Variants in AGMO observed in about 807,000 individuals in gnomAD.
The protein encoded by AGMO is alkylglycerol monooxygenase.
A neutral mutation model predicts 60.2 loss-of-function variants in AGMO; 75 were observed. That is an observed-to-expected ratio of 1.25 (90% confidence interval 1.03 to 1.51). The LOEUF is 1.51. Ranked by LOEUF, AGMO falls within the 40% of genes most tolerant of loss-of-function variation. AGMO has a pLI of 0.00. For synonymous variants in AGMO, 261 were observed against 177.1 expected, an observed-to-expected ratio of 1.47 and a Z score of -3.76; for missense variants, 763 against 525.5, an observed-to-expected ratio of 1.45 and a Z score of -4.42.
intron 3 of AGMO, among the ~76,000 whole-genome samples, chr7:15,500,396 C>G (rs1376787034): frequency 6.6e-6 from 1 of 151,864 alleles, no homozygotes; most frequent in African/African-American, 2.4e-5. Context: ...AACCAAATTT[C>G]TCATTGTAAG....
At chr7:15,307,198 A>C (rs1408684712) in intron 12 of AGMO, among the ~76,000 whole-genome samples, 2 of 152,026 alleles carry the variant, frequency 1.3e-5, no homozygotes, top group South Asian at 4.1e-4. Flanking sequence ...AGGTGAGGAC[A>C]TAATTTATAT....
At chr7:15,474,765 A>G (rs1270360148) in intron 3 of AGMO, among the ~76,000 whole-genome samples, 1 of 152,144 alleles carries the variant, frequency 6.6e-6, no homozygotes, top group African/African-American at 2.4e-5. Context: ...CAGACAACCT[A>G]CAGAATAGGA....
chr7:15,237,670 A>C (rs1459932310), intron 12 of AGMO, among the ~76,000 whole-genome samples: 5 of 152,034 alleles, frequency 3.3e-5, no homozygotes, highest in Non-Finnish European at 2.9e-5. Context: ...AAATACCTAT[A>C]ATTGCCCTTT....
the AGMO span, among the ~76,000 whole-genome samples, chr7:15,170,854 T>C: frequency 6.6e-6 from 1 of 152,222 alleles, no homozygotes; most frequent in Admixed American, 6.5e-5. Context: ...GAGACTTTCC[T>C]TGTTTTGAAG....
intron 12 of AGMO, among the ~76,000 whole-genome samples, chr7:15,218,595 T>C (rs971663234): frequency 2.4e-4 from 37 of 152,208 alleles, no homozygotes; most frequent in African/African-American, 8.7e-4. Flanking sequence ...TTGGCTAATA[T>C]ACAATTTTGG....
chr7:15,538,958 T>G (rs1306321966), intron 3 of AGMO, among the ~76,000 whole-genome samples: 2 of 152,102 alleles, frequency 1.3e-5, no homozygotes, highest in African/African-American at 2.4e-5. Flanking sequence ...GGAAAAAAAG[T>G]TACAGTTTGA....
chr7:15,198,223 G>GAGAGAGAC (rs1781173669), downstream of AGMO, among the ~76,000 whole-genome samples: 3 of 111,652 alleles, frequency 2.7e-5, no homozygotes, highest in South Asian at 1.1e-3. Context: ...GAGAGAGAGA[G>GAGAGAGAC]AGAGAGAGAG....
chr7:15,292,643 C>T (rs563090377), intron 12 of AGMO, among the ~76,000 whole-genome samples: 85 of 150,282 alleles, frequency 5.7e-4, no homozygotes, highest in African/African-American at 2.0e-3. Context: ...AAAGCTCCTA[C>T]GGACAAAATA....
At chr7:15,416,027 C>CTTTTCTT (rs1554269474) in intron 5 of AGMO, among the ~76,000 whole-genome samples, 2 of 130,894 alleles carry the variant, frequency 1.5e-5, no homozygotes. Context: ...TTCTTTTTTT[C>CTTTTCTT]TTTTTTTTTT....
chr7:15,223,845 C>T (rs1340522979), intron 12 of AGMO, among the ~76,000 whole-genome samples: 3 of 151,638 alleles, frequency 2.0e-5, no homozygotes, highest in South Asian at 4.1e-4. Flanking sequence ...ATTAATTAAT[C>T]CTTGACAAAA....
the AGMO span, among the ~76,000 whole-genome samples, chr7:15,155,419 C>CTTTTTTTTTT: frequency 3.0e-4 from 19 of 63,930 alleles, 2 homozygotes; most frequent in Non-Finnish European, 4.1e-4. Context: ...TACAGAATTT[C>CTTTTTTTTTT]TTTTTTTTTT....
At chr7:15,275,530 G>C (rs1233816266) in intron 12 of AGMO, among the ~76,000 whole-genome samples, 2 of 152,080 alleles carry the variant, frequency 1.3e-5, no homozygotes, top group African/African-American at 2.4e-5. Flanking sequence ...GTAGTTGTTG[G>C]AAAGAATGTT....
intron 10 of AGMO, among the ~76,000 whole-genome samples, chr7:15,370,739 T>C (rs1460332185): frequency 6.6e-6 from 1 of 152,200 alleles, no homozygotes; most frequent in Non-Finnish European, 1.5e-5. Context: ...TGTGGCTATT[T>C]GTTTTTTTCT....
chr7:15,397,084 C>A (rs575528500), intron 5 of AGMO, among the ~76,000 whole-genome samples: 24 of 152,270 alleles, frequency 1.6e-4, no homozygotes, highest in Admixed American at 1.4e-3. Flanking sequence ...CTTCACCTGT[C>A]ACTGGCACCC....
intron 12 of AGMO, among the ~76,000 whole-genome samples, chr7:15,247,909 C>T (rs1402781957): frequency 6.6e-6 from 1 of 151,414 alleles, no homozygotes; most frequent in Non-Finnish European, 1.5e-5. Context: ...ATAAAGTACA[C>T]AGAGGATGAA....
downstream of AGMO, among the ~76,000 whole-genome samples, chr7:15,197,962 C>T (rs553907149): frequency 2.6e-5 from 4 of 152,164 alleles, no homozygotes; most frequent in East Asian, 7.7e-4. Context: ...GTTATTTAAC[C>T]TCAGACTCAA....
At chr7:15,248,450 A>G (rs1391814262) in intron 12 of AGMO, among the ~76,000 whole-genome samples, 1 of 151,808 alleles carries the variant, frequency 6.6e-6, no homozygotes, top group Admixed American at 6.6e-5. Flanking sequence ...TTTCAAATTA[A>G]TTGCCAATTT....
chr7:15,301,781 A>C (rs1780442870), intron 12 of AGMO, among the ~76,000 whole-genome samples: 1 of 152,196 alleles, frequency 6.6e-6, no homozygotes, highest in African/African-American at 2.4e-5. Context: ...ACATCTTTTT[A>C]GAAACACTGT....
chr7:15,532,341 T>G (rs1357802690), intron 3 of AGMO, among the ~76,000 whole-genome samples: 1 of 152,178 alleles, frequency 6.6e-6, no homozygotes, highest in Non-Finnish European at 1.5e-5. Flanking sequence ...GGCTCTGAGA[T>G]TAACGGCCTT....
Sources: allele counts gnomAD v4.1 joint callset (sites outside exome capture counted in the v4.1 genomes callset), GRCh38; gene constraint gnomAD v4.1.1; transcripts MANE v1.5; gene names NCBI Gene and HGNC (gene_info 2026-07-23, HGNC 2026-07-21).